PIK3R3: variants seen among roughly 807,000 people sequenced by gnomAD.
The protein encoded by PIK3R3 is phosphatidylinositol 3-kinase regulatory subunit gamma.
A neutral mutation model predicts 62.9 loss-of-function variants in PIK3R3; 64 were observed. The ratio of observed to expected loss-of-function variants is 1.02; its 90% CI spans 0.83 to 1.25. The LOEUF (loss-of-function observed/expected upper bound fraction) is 1.25. PIK3R3 is among the 50% of genes most tolerant of loss of function. The probability of loss-of-function intolerance (pLI) is 0.00; values close to 1 mark genes in which losing one functional copy is unlikely to be tolerated. For synonymous variants in PIK3R3, 165 were observed against 189.0 expected, an observed-to-expected ratio of 0.87 and a Z score of 1.04; for missense variants, 614 against 561.6, an observed-to-expected ratio of 1.09 and a Z score of -0.94.
At chr1:46,083,906 A>G (rs919049426) in intron 1 of PIK3R3, among the ~76,000 whole-genome samples, 3 of 152,198 alleles carry the variant, frequency 2.0e-5, no homozygotes, top group Non-Finnish European at 4.4e-5. Context: ...TTGCCCAGCA[A>G]TTTCACTCTT....
the PIK3R3 span, among the ~76,000 whole-genome samples, chr1:46,141,240 AT>A: frequency 6.0e-5 from 9 of 150,564 alleles, no homozygotes; most frequent in Admixed American, 6.0e-4. Flanking sequence ...CCATAATTTA[AT>A]TTTTTTCAAG....
intron 6 of PIK3R3, among the ~76,000 whole-genome samples, chr1:46,060,613 AAAGTT>A (rs1648397591): frequency 6.6e-6 from 1 of 152,252 alleles, no homozygotes; most frequent in Non-Finnish European, 1.5e-5. Context: ...CAGACTGAGA[AAAGTT>A]AAGTAATTCA....
At chr1:46,073,263 T>G (rs1320348020) in intron 3 of PIK3R3, among the ~76,000 whole-genome samples, 1 of 152,194 alleles carries the variant, frequency 6.6e-6, no homozygotes, top group African/African-American at 2.4e-5. Context: ...TCCCTTCACT[T>G]GGCCTCTGCT....
chr1:46,045,356 A>G (rs1647080940), intron 9 of PIK3R3, among the ~76,000 whole-genome samples: 1 of 152,206 alleles, frequency 6.6e-6, no homozygotes, highest in Non-Finnish European at 1.5e-5. Context: ...TCAGGCAAAA[A>G]TCTGACTGAA....
rs532941382 is a variant in PIK3R3, at chr1:46,067,696, A to G, written c.315-605T>C. 4.1e-4 allele frequency among the ~76,000 whole-genome samples: 63 copies of G among 152,324 alleles called. 1 individual carries two copies. Among genetic ancestry groups the G allele is most frequent in the Non-Finnish European group, 1.5e-4 (10 of 68,028 alleles). ...ACTATTTTGTCTTTTACACTTGCTTATAATTCTCAGAAATGACTGTTCAGG... is the reference window on the plus strand; with the variant it reads ...ACTATTTTGTCTTTTACACTTGCTTGTAATTCTCAGAAATGACTGTTCAGG... On this transcript the variant is annotated intron_variant, in intron 3 of 9. Coordinates refer to ENST00000262741, the MANE Select transcript of PIK3R3 (RefSeq NM_003629.4).
chr1:46,137,538 T>G (rs1365365852), upstream of PIK3R3, among the ~76,000 whole-genome samples: 2 of 152,250 alleles, frequency 1.3e-5, no homozygotes, highest in African/African-American at 2.4e-5. Flanking sequence ...TGAAAAAGTT[T>G]CGTCGAAAGC....
chr1:46,083,506 TTTTGTAAATA>T (rs1207892998), intron 1 of PIK3R3, among the ~76,000 whole-genome samples: 1 of 152,140 alleles, frequency 6.6e-6, no homozygotes, highest in Non-Finnish European at 1.5e-5. Flanking sequence ...TAAAATATAT[TTTTGTAAATA>T]TTTGTAAATG....
At chr1:46,092,356 G>GTT (rs991227026) in intron 1 of PIK3R3, among the ~76,000 whole-genome samples, 1 of 151,898 alleles carries the variant, frequency 6.6e-6, no homozygotes, top group African/African-American at 2.4e-5. Context: ...CTTGACTTCT[G>GTT]TTTTGTTTTG....
chr1:46,051,355 G>T (rs1323507943), intron 7 of PIK3R3, among the ~76,000 whole-genome samples: 10 of 151,968 alleles, frequency 6.6e-5, no homozygotes, highest in Non-Finnish European at 1.3e-4. Flanking sequence ...CCACCTCCCG[G>T]GTTCAAGCAA....
At chr1:46,157,414 A>G in the PIK3R3 span, among the ~76,000 whole-genome samples, 205 of 152,244 alleles carry the variant, frequency 1.3e-3, 1 homozygote, top group Non-Finnish European at 2.7e-3. Flanking sequence ...ATTACAAGAC[A>G]TGAGCCACTG....
chr1:46,043,775 T>C lies in PIK3R3; in HGVS notation c.1284A>G (p.Leu428=). 1 of 1,613,656 alleles carries C rather than the reference T, an allele frequency of 6.2e-7. No homozygotes were observed. The highest frequency in any genetic ancestry group is 1.3e-5 in the African/African-American group (1 of 75,058). ...AGGATGTCTGCTGGTAATGGAGCAC[T>C]AGCTCCTTCAGAGAGCTGTACAGGT... The part of the protein sequence containing the change: ...PYNLYSSLKE[L]VLHYQQTSLV... The change falls in exon 10 of 10, where the codon CTA becomes CTG. Residue 428 remains leucine (L), a synonymous_variant. Coordinates refer to ENST00000262741, the MANE Select transcript of PIK3R3 (RefSeq NM_003629.4).
upstream of PIK3R3, chr1:46,133,095 G>A: frequency 1.0e-6 from 1 of 956,084 alleles, no homozygotes; most frequent in Non-Finnish European, 1.3e-6. Flanking sequence ...AGCGGGAGAC[G>A]GCTGCGCGCC....
chr1:46,108,252 T>C (rs149967361), intron 1 of PIK3R3, among the ~76,000 whole-genome samples: 47 of 152,316 alleles, frequency 3.1e-4, no homozygotes, highest in Non-Finnish European at 6.3e-4. Context: ...GAATGTATCA[T>C]CATTTACTTA....
At chr1:46,101,060 T>C (rs972076330) in intron 1 of PIK3R3, among the ~76,000 whole-genome samples, 1 of 149,160 alleles carries the variant, frequency 6.7e-6, no homozygotes, top group Non-Finnish European at 1.5e-5. Flanking sequence ...TAATCCCAGC[T>C]ACTCGGGTGG....
chr1:46,046,349 C>T (rs905528825), intron 8 of PIK3R3, among the ~76,000 whole-genome samples: 7 of 152,084 alleles, frequency 4.6e-5, no homozygotes, highest in Admixed American at 3.9e-4. Flanking sequence ...GCTTACACAT[C>T]CAGATTTTGA....
chr1:46,130,405 A>G (rs968958028), intron 1 of PIK3R3, among the ~76,000 whole-genome samples: 5 of 152,224 alleles, frequency 3.3e-5, no homozygotes, highest in African/African-American at 1.2e-4. Context: ...CAAACTTTAC[A>G]AAACACTGAA....
At chr1:46,147,450 G>T in the PIK3R3 span, among the ~76,000 whole-genome samples, 1 of 151,170 alleles carries the variant, frequency 6.6e-6, no homozygotes, top group Non-Finnish European at 1.5e-5. Context: ...ACGGAGTCTC[G>T]CTCTGTCACC....
At chr1:46,148,192 T>C in the PIK3R3 span, among the ~76,000 whole-genome samples, 1 of 152,216 alleles carries the variant, frequency 6.6e-6, no homozygotes, top group East Asian at 1.9e-4. Flanking sequence ...AAGGGACAAC[T>C]TCAGGCTCGA....
rs908386311 is a variant in PIK3R3, at chr1:46,129,577, G to A, written c.106+2270C>T. Reference sequence around the variant, plus strand: ...ATAGAAATGGGAGAGCAGTTAGTACGCTATCACAGCAGTCCAGGAAGGAAA... The same window carrying A: ...ATAGAAATGGGAGAGCAGTTAGTACACTATCACAGCAGTCCAGGAAGGAAA... On this transcript the variant is annotated intron_variant, in intron 1 of 9. Coordinates refer to ENST00000262741, the MANE Select transcript of PIK3R3 (RefSeq NM_003629.4). Among the ~76,000 whole-genome samples, 15 of 152,198 alleles carry A rather than the reference G, an allele frequency of 9.9e-5. No homozygotes were observed. In the South Asian group the frequency reaches 1.0e-3, roughly 11 times the overall value.
Sources: allele counts gnomAD v4.1 joint callset (sites outside exome capture counted in the v4.1 genomes callset), GRCh38; gene constraint gnomAD v4.1.1; transcripts MANE v1.5; gene names NCBI Gene and HGNC (gene_info 2026-07-23, HGNC 2026-07-21).